MARCHF8: variants seen among roughly 807,000 people sequenced by gnomAD.
The protein encoded by MARCHF8 is E3 ubiquitin-protein ligase MARCHF8.
In MARCHF8, 40 loss-of-function variants were observed where a neutral mutation model predicts 51.6. The observed-to-expected ratio is 0.77, with a 90% confidence interval of 0.60 to 1.01. The LOEUF (loss-of-function observed/expected upper bound fraction) is 1.01, where lower values mean the gene tolerates loss of function less well. MARCHF8 is among the 50% of genes least tolerant of loss of function. The probability of loss-of-function intolerance (pLI) is 0.00; values close to 1 mark genes in which losing one functional copy is unlikely to be tolerated. For missense variants in MARCHF8, 685 were observed against 708.6 expected, an observed-to-expected ratio of 0.97 and a Z score of 0.38; for synonymous variants, 263 against 280.3, an observed-to-expected ratio of 0.94 and a Z score of 0.62.
intron 3 of MARCHF8, among the ~76,000 whole-genome samples, chr10:45,467,632 G>A (rs903920114): frequency 6.6e-5 from 10 of 152,196 alleles, no homozygotes; most frequent in South Asian, 4.2e-4. Context: ...TGTAATCAAA[G>A]GCCAGCAATC....
At chr10:45,573,070 C>A (rs2044449875) in intron 1 of MARCHF8, among the ~76,000 whole-genome samples, 1 of 152,096 alleles carries the variant, frequency 6.6e-6, no homozygotes, top group Admixed American at 6.6e-5. Flanking sequence ...TATCGGACCT[C>A]TCCCAAATCA....
At chr10:45,550,550 C>A (rs2044183186) in intron 1 of MARCHF8, among the ~76,000 whole-genome samples, 1 of 152,192 alleles carries the variant, frequency 6.6e-6, no homozygotes, top group Non-Finnish European at 1.5e-5. Context: ...CCAGAACAAG[C>A]ATATTCTCCA....
intron 1 of MARCHF8, among the ~76,000 whole-genome samples, chr10:45,533,962 T>C (rs1474796072): frequency 6.6e-6 from 1 of 152,076 alleles, no homozygotes; most frequent in African/African-American, 2.4e-5. Flanking sequence ...GGCGGGCAAA[T>C]CACGAGGTCA....
chr10:45,523,679 C>T (rs2043746125), intron 2 of MARCHF8, among the ~76,000 whole-genome samples: 1 of 152,196 alleles, frequency 6.6e-6, no homozygotes, highest in South Asian at 2.1e-4. Context: ...ACCAAGAAAT[C>T]ATAATCATCA....
intron 6 of MARCHF8, 123 bp from the exon 7 acceptor site, chr10:45,459,390 T>A: frequency 9.0e-7 from 1 of 1,112,554 alleles, no homozygotes; most frequent in Non-Finnish European, 1.3e-6. Context: ...ACTAGATGCA[T>A]TCCCCCAAGT....
At chr10:45,514,650 T>C (rs71496606) in intron 2 of MARCHF8, among the ~76,000 whole-genome samples, 9,379 of 152,296 alleles carry the variant, frequency 0.062, 330 homozygotes, top group Non-Finnish European at 0.067. Flanking sequence ...AGTCTCCCCA[T>C]AGCAATCTGC....
chr10:45,581,804 A>G (rs962012486), intron 1 of MARCHF8, among the ~76,000 whole-genome samples: 1 of 152,172 alleles, frequency 6.6e-6, no homozygotes, highest in African/African-American at 2.4e-5. Context: ...AGCTTAGTTT[A>G]CGGGGAAAGT....
chr10:45,584,297 A>G (rs950923401), intron 1 of MARCHF8, among the ~76,000 whole-genome samples: 2 of 151,652 alleles, frequency 1.3e-5, no homozygotes, highest in Admixed American at 6.6e-5. Flanking sequence ...CTCAAACCAC[A>G]AAAGCACAAA....
intron 2 of MARCHF8, among the ~76,000 whole-genome samples, chr10:45,504,726 T>C (rs2043348894): frequency 6.6e-6 from 1 of 152,232 alleles, no homozygotes; most frequent in Non-Finnish European, 1.5e-5. Context: ...TGGTGTTTCC[T>C]AAATTTAAAG....
intron 2 of MARCHF8, among the ~76,000 whole-genome samples, chr10:45,509,460 G>A (rs1365481295): frequency 5.9e-5 from 9 of 152,108 alleles, no homozygotes; most frequent in Admixed American, 3.9e-4. Context: ...GTTCAGAAAC[G>A]TAATAAATAT....
At chr10:45,544,451 C>G (rs1271946498) in intron 1 of MARCHF8, among the ~76,000 whole-genome samples, 1 of 152,012 alleles carries the variant, frequency 6.6e-6, no homozygotes, top group Non-Finnish European at 1.5e-5. Flanking sequence ...TCATAATAGC[C>G]CAAAACTGGA....
chr10:45,479,108 G>A (rs148589671), intron 3 of MARCHF8, among the ~76,000 whole-genome samples: 7 of 152,158 alleles, frequency 4.6e-5, no homozygotes, highest in East Asian at 3.9e-4. Context: ...AACAAAATAC[G>A]AATAAAGCAA....
chr10:45,583,961 G>C (rs1418146478), intron 1 of MARCHF8, among the ~76,000 whole-genome samples: 1 of 141,972 alleles, frequency 7.0e-6, no homozygotes, highest in Non-Finnish European at 1.5e-5. Flanking sequence ...AGCCAAGATC[G>C]TGCCACTGCA....
chr10:45,579,882 C>T (rs548939813), intron 1 of MARCHF8, among the ~76,000 whole-genome samples: 15 of 151,424 alleles, frequency 9.9e-5, no homozygotes, highest in East Asian at 3.9e-4. Context: ...GACGTGGTGG[C>T]GGGCATTGTA....
rs374021008 is a variant in MARCHF8, at chr10:45,569,629, G to A, written c.-79+24606C>T. On this transcript the variant is annotated intron_variant, in intron 1 of 6. Coordinates refer to the MARCHF8 transcript ENST00000319836. The stretch of plus-strand genomic sequence containing the variant: ...GAGAGCTGAAACAGGAGGGCAGAGC[G>A]TCACCTTATTTGACCTCAGTTGGGA... Among the ~76,000 whole-genome samples, 8 of 152,128 alleles carry A rather than the reference G, an allele frequency of 5.3e-5. No individual in the cohort carries two copies. In the East Asian group the frequency reaches 5.8e-4, roughly 11 times the overall value.
intron 1 of MARCHF8, 28 bp from the exon 2 acceptor site, chr10:45,533,317 A>C: frequency 7.4e-7 from 1 of 1,358,344 alleles, no homozygotes; most frequent in Non-Finnish European, 9.6e-7. Context: ...GAGAATAAAC[A>C]TAACTCAGCT....
At chr10:45,513,590 G>C (rs527940965) in intron 2 of MARCHF8, among the ~76,000 whole-genome samples, 1 of 152,184 alleles carries the variant, frequency 6.6e-6, no homozygotes, top group African/African-American at 2.4e-5. Context: ...ATTTGGCCTG[G>C]ATTCCTTAAT....
At chr10:45,594,833 G>C (rs2044723033) in exon 1 of MARCHF8, 1 of 152,558 alleles carries the variant, frequency 6.6e-6, no homozygotes, top group Non-Finnish European at 1.5e-5. Context: ...CCGAGACGTG[G>C]ACGCAGCAAG....
Position 45,463,688 on chromosome 10 carries a change from A to G in MARCHF8, c.551T>C (p.Leu184Ser), listed in dbSNP as rs1294144772. Reference sequence around the variant, plus strand: ...GAGACACGTATCTTGAGGGAGTATTAATTTCCCTTCAGAACAAGTTCTTTC... The same window carrying G: ...GAGACACGTATCTTGAGGGAGTATTGATTTCCCTTCAGAACAAGTTCTTTC... ...YVERTCSEGKLILPQDTCLRT... is the reference protein window; with the variant it reads ...YVERTCSEGKSILPQDTCLRT... Residue 184 changes from leucine (L) to serine (S), a missense_variant, in exon 5 of 8, where the codon TTA (leucine) becomes TCA (serine). Physicochemically the swap from Leu to Ser is moderately radical, Grantham distance 145. Transcript: ENST00000453424. 11 of 1,550,878 alleles carry G rather than the reference A, an allele frequency of 7.1e-6. No homozygotes were observed. Among genetic ancestry groups the G allele is most frequent in the Middle Eastern group, 3.3e-4 (2 of 5,992 alleles).
Sources: gnomAD v4.1 joint callset for allele counts (sites outside exome capture counted in the v4.1 genomes callset) on GRCh38, gnomAD v4.1.1 for gene constraint, MANE v1.5 for transcripts, NCBI Gene and HGNC (gene_info 2026-07-23, HGNC 2026-07-21) for gene names.